The following GRB10 variants were observed in gnomAD, a reference collection of about 807,000 sequenced individuals.
The protein encoded by GRB10 is growth factor receptor-bound protein 10.
A neutral mutation model predicts 80.9 loss-of-function variants in GRB10; 20 were observed. That is an observed-to-expected ratio of 0.25 (90% CI 0.17 to 0.36). GRB10 has a LOEUF of 0.36. Among genes scored for constraint, GRB10 ranks in the 10% least tolerant of loss-of-function variants. The pLI, the probability that GRB10 is intolerant of heterozygous loss-of-function variation, is 1.00. For synonymous variants in GRB10, 291 were observed against 291.5 expected, an observed-to-expected ratio of 1.00 and a Z score of 0.02; for missense variants, 548 against 747.7, an observed-to-expected ratio of 0.73 and a Z score of 3.12.
chr7:50,784,143 C>G (rs1490704537), upstream of GRB10, among the ~76,000 whole-genome samples: 2 of 152,168 alleles, frequency 1.3e-5, no homozygotes, highest in South Asian at 2.1e-4. Flanking sequence ...AAGGTGTTAG[C>G]GCTTTTGACT....
intron 8 of GRB10, among the ~76,000 whole-genome samples, chr7:50,622,088 C>T (rs979009275): frequency 1.3e-5 from 2 of 152,194 alleles, no homozygotes; most frequent in Non-Finnish European, 2.9e-5. Flanking sequence ...TCAGCACAGC[C>T]CACCCAAGGG....
chr7:50,662,306 G>A (rs1262667019), intron 7 of GRB10, among the ~76,000 whole-genome samples: 1 of 152,170 alleles, frequency 6.6e-6, no homozygotes, highest in Non-Finnish European at 1.5e-5. Flanking sequence ...GGATGTGCGA[G>A]GCACAATCAG....
chr7:50,713,179 G>A (rs2066159909), intron 4 of GRB10, among the ~76,000 whole-genome samples: 1 of 152,092 alleles, frequency 6.6e-6, no homozygotes, highest in African/African-American at 2.4e-5. Flanking sequence ...AACCTCCAAG[G>A]ACTATTGAAG....
intron 11 of GRB10, among the ~76,000 whole-genome samples, chr7:50,615,742 T>C (rs1196205412): frequency 6.6e-6 from 1 of 152,218 alleles, no homozygotes; most frequent in Non-Finnish European, 1.5e-5. Flanking sequence ...AAGCTCTCTT[T>C]TGAGGGCCTG....
intron 4 of GRB10, among the ~76,000 whole-genome samples, chr7:50,726,619 A>G (rs1271779728): frequency 6.6e-6 from 1 of 152,112 alleles, no homozygotes; most frequent in East Asian, 1.9e-4. Flanking sequence ...ATTTTAAGAC[A>G]TGCCCCACTC....
intron 2 of GRB10, among the ~76,000 whole-genome samples, chr7:50,756,761 C>T (rs2075144674): frequency 1.3e-5 from 2 of 152,198 alleles, no homozygotes; most frequent in South Asian, 4.1e-4. Context: ...CACTGGTCTT[C>T]CCAGGCTCTG....
chr7:50,652,677 C>T (rs1421517893), intron 7 of GRB10, among the ~76,000 whole-genome samples: 1 of 152,162 alleles, frequency 6.6e-6, no homozygotes, highest in Non-Finnish European at 1.5e-5. Context: ...CAACCAAGCC[C>T]TCCGATCAAA....
At chr7:50,702,189 G>A (rs1371781204) in intron 5 of GRB10, among the ~76,000 whole-genome samples, 1 of 152,220 alleles carries the variant, frequency 6.6e-6, no homozygotes, top group Non-Finnish European at 1.5e-5. Context: ...CTGTCTGGCT[G>A]CCTGGCCATG....
At chr7:50,642,024 C>T (rs993781667) in intron 7 of GRB10, among the ~76,000 whole-genome samples, 1 of 152,218 alleles carries the variant, frequency 6.6e-6, no homozygotes, top group African/African-American at 2.4e-5. Flanking sequence ...GCGACAGAGG[C>T]TCTACATAGA....
At chr7:50,711,660 CCT>C (rs1182431875) in intron 4 of GRB10, among the ~76,000 whole-genome samples, 1 of 152,146 alleles carries the variant, frequency 6.6e-6, no homozygotes, top group Non-Finnish European at 1.5e-5. Flanking sequence ...TGCCTGATAC[CCT>C]CTCTACCAAC....
At chr7:50,674,364 TCA>T (rs928091930) in intron 6 of GRB10, 70 bp downstream of exon 6, 2 of 1,434,412 alleles carry the variant, frequency 1.4e-6, no homozygotes, top group African/African-American at 2.8e-5. Flanking sequence ...ACCATTTAAC[TCA>T]CAGAGAGCAG....
intron 7 of GRB10, among the ~76,000 whole-genome samples, chr7:50,653,768 C>T (rs923010741): frequency 4.6e-5 from 7 of 152,202 alleles, no homozygotes; most frequent in Non-Finnish European, 1.0e-4. Flanking sequence ...CATGACTAGC[C>T]ACCCCTGCCA....
intron 4 of GRB10, among the ~76,000 whole-genome samples, chr7:50,731,307 CAAA>C (rs71555907): frequency 3.5e-5 from 4 of 114,604 alleles, no homozygotes; most frequent in African/African-American, 3.2e-5. Context: ...ACTTAGATAC[CAAA>C]AAAAAAAAAA....
chr7:50,668,445 G>C (rs924344524), intron 7 of GRB10, among the ~76,000 whole-genome samples: 12 of 152,136 alleles, frequency 7.9e-5, no homozygotes, highest in Non-Finnish European at 1.5e-4. Context: ...GCAATCACAG[G>C]CTCCGATTCT....
At chr7:50,741,976 T>G (rs1211945932) in intron 3 of GRB10, among the ~76,000 whole-genome samples, 1 of 150,836 alleles carries the variant, frequency 6.6e-6, no homozygotes, top group Non-Finnish European at 1.5e-5. Context: ...AGTAAAGAAA[T>G]AAATTTTGAA....
At chr7:50,649,508 G>T (rs553236760) in intron 7 of GRB10, among the ~76,000 whole-genome samples, 6 of 152,212 alleles carry the variant, frequency 3.9e-5, no homozygotes, top group Non-Finnish European at 5.9e-5. Context: ...CGACACACAC[G>T]GGGGAGGGAA....
In GRB10 at chr7:50,614,750, T is replaced by C. The variant is rs182982168; in HGVS notation, c.1095+20A>G. On this transcript the variant is annotated intron_variant, in intron 12 of 18. Transcript: ENST00000401949. ...TGGGCTGCTGAGCATGCGCGCCGTC[T>C]GTGGACAGCTCGTGGGTACCTTTAT... 355 of 1,519,974 alleles carry C rather than the reference T, an allele frequency of 2.3e-4. 1 individual carries two copies. In the East Asian group the frequency reaches 6.8e-3, roughly 29 times the overall value. 94.2% of individuals were successfully genotyped at this position (1,519,974 alleles called of 1,614,324 possible).
At chr7:50,665,120 C>A (rs2059668583) in intron 7 of GRB10, among the ~76,000 whole-genome samples, 1 of 152,224 alleles carries the variant, frequency 6.6e-6, no homozygotes, top group Non-Finnish European at 1.5e-5. Flanking sequence ...AGGAGGACTG[C>A]TGTCACCTCT....
intron 5 of GRB10, among the ~76,000 whole-genome samples, chr7:50,698,180 A>G (rs2153663860): frequency 6.6e-6 from 1 of 152,304 alleles, no homozygotes; most frequent in South Asian, 2.1e-4. Context: ...TTTTTTTTAC[A>G]TAAACAGGAT....
Sources: allele counts gnomAD v4.1 joint callset (sites outside exome capture counted in the v4.1 genomes callset), GRCh38; gene constraint gnomAD v4.1.1; transcripts MANE v1.5; gene names NCBI Gene and HGNC (gene_info 2026-07-23, HGNC 2026-07-21).